Variants in STK32A observed in about 807,000 individuals in gnomAD.
STK32A encodes the protein serine/threonine kinase 32A.
A neutral mutation model predicts 53.2 loss-of-function variants in STK32A; 41 were observed. That is an observed-to-expected ratio of 0.77 (90% CI 0.60 to 1.00). The LOEUF is 1.00. STK32A is among the 50% of genes least tolerant of loss of function. The pLI, the probability that STK32A is intolerant of heterozygous loss-of-function variation, is 0.00. For missense variants in STK32A, 458 were observed against 485.8 expected (o/e 0.94, Z 0.54); for synonymous variants, 166 against 162.8 (o/e 1.02, Z -0.15).
chr5:147,392,478 T>A (rs1291201879), downstream of STK32A: 2 of 152,228 alleles, frequency 1.3e-5, no homozygotes, highest in African/African-American at 4.8e-5. Flanking sequence ...AAGCACTTAG[T>A]ACACAGGGTT....
chr5:147,282,093 C>T (rs112413067), intron 4 of STK32A, among the ~76,000 whole-genome samples: 21,116 of 152,106 alleles, frequency 0.14, 1,697 homozygotes, highest in African/African-American at 0.2. Flanking sequence ...CTACAAGAAC[C>T]GCTAAAAGGA....
chr5:147,390,479 A>C (rs74718093), downstream of STK32A, among the ~76,000 whole-genome samples: 1 of 57,444 alleles, frequency 1.7e-5, no homozygotes, highest in Non-Finnish European at 2.7e-5. Flanking sequence ...GGGAAAGACC[A>C]AAAAAAAAAA....
At chr5:147,395,523 C>A in the STK32A span, 6 of 1,581,628 alleles carry the variant, frequency 3.8e-6, no homozygotes, top group South Asian at 6.9e-5. Context: ...TCCCCTTCCC[C>A]CTTCTCTTAT....
rs767714295 is a variant in STK32A, at chr5:147,252,006, C to T, written c.52+12320C>T. 1.4e-3 allele frequency among the ~76,000 whole-genome samples: 213 copies of T among 151,870 alleles called. 1 individual carries two copies. The highest frequency in any genetic ancestry group is 2.5e-3 in the Non-Finnish European group (172 of 67,996). ...TCGCTGGAGCCCAGGAGTTCACAACCAGCCTGGGCAACATGGTGAGACTCC... is the reference window on the plus strand; with the variant it reads ...TCGCTGGAGCCCAGGAGTTCACAACTAGCCTGGGCAACATGGTGAGACTCC... On this transcript the variant is annotated intron_variant, in intron 2 of 12. Coordinates refer to ENST00000397936, the MANE Select transcript of STK32A (RefSeq NM_001112724.2).
At chr5:147,266,804 C>A (rs1297219739) in intron 2 of STK32A, among the ~76,000 whole-genome samples, 4 of 152,050 alleles carry the variant, frequency 2.6e-5, no homozygotes, top group South Asian at 2.1e-4. Context: ...GTGGACGGAT[C>A]ACCTGAGGTC....
At chr5:147,310,977 G>A (rs1003951867) in intron 4 of STK32A, among the ~76,000 whole-genome samples, 1 of 152,094 alleles carries the variant, frequency 6.6e-6, no homozygotes, top group Non-Finnish European at 1.5e-5. Context: ...AAAGGTCAGG[G>A]CTTCAGAAAA....
chr5:147,281,008 C>A (rs1752040468), intron 4 of STK32A, among the ~76,000 whole-genome samples: 2 of 152,130 alleles, frequency 1.3e-5, no homozygotes, highest in South Asian at 4.1e-4. Flanking sequence ...GGTAGGCTAG[C>A]TGGGTGGCTA....
rs1581129257 is a variant in STK32A, at chr5:147,352,754, G to T, written c.562+1600G>T. On this transcript the variant is annotated intron_variant, in intron 7 of 12. Transcript: ENST00000397936. ...TCCTGGAGTTAACACAGCCTGGTTG[G>T]CCATGGAAGTTTGATGAGTTTGGGG... Among the ~76,000 whole-genome samples, 7 of 152,302 alleles carry T rather than the reference G, an allele frequency of 4.6e-5. 3 individuals carry two copies. Among genetic ancestry groups the T allele is most frequent in the Admixed American group, 4.6e-4 (7 of 15,300 alleles).
chr5:147,280,071 G>A (rs1006100677), intron 4 of STK32A, among the ~76,000 whole-genome samples: 1 of 152,170 alleles, frequency 6.6e-6, no homozygotes, highest in Non-Finnish European at 1.5e-5. Context: ...AGAGCCCAGT[G>A]AAATACACGG....
intron 7 of STK32A, among the ~76,000 whole-genome samples, chr5:147,360,223 G>A (rs1262682019): frequency 1.3e-5 from 2 of 151,988 alleles, no homozygotes; most frequent in Admixed American, 6.6e-5. Flanking sequence ...GCCAAAGCAG[G>A]TGGATCACCT....
the STK32A span, among the ~76,000 whole-genome samples, chr5:147,394,380 GGAA>G: frequency 3.6e-4 from 55 of 152,230 alleles, no homozygotes; most frequent in African/African-American, 9.4e-4. Context: ...AATAATACTG[GGAA>G]GAAGAACAAT....
intron 8 of STK32A, among the ~76,000 whole-genome samples, chr5:147,369,565 TGGA>T (rs941786454): frequency 1.3e-5 from 2 of 152,266 alleles, no homozygotes; most frequent in African/African-American, 2.4e-5. Flanking sequence ...AGAAATTGAG[TGGA>T]GAAGTTTAGC....
At position 147,384,512 on chromosome 5, in the gene STK32A, A is replaced by C. The variant is rs570455434; in HGVS notation, c.*529A>C. On this transcript the variant is annotated 3_prime_UTR_variant, in exon 13 of 13. Transcript: ENST00000397936. Reference sequence around the variant, plus strand: ...GGGAGGCATGAATGGAATCAGATTAAAAGTAACAGAGATGGATGAGGGCCT... The same window carrying C: ...GGGAGGCATGAATGGAATCAGATTACAAGTAACAGAGATGGATGAGGGCCT... The C allele has an allele frequency of 7.9e-7, 1 of 1,264,708 alleles. No individual in the cohort carries two copies. Among genetic ancestry groups the C allele is most frequent in the Non-Finnish European group, 1.1e-6 (1 of 906,202 alleles). 78.3% of individuals were successfully genotyped at this position (1,264,708 alleles called of 1,614,324 possible).
chr5:147,267,125 T>C (rs1246241405), intron 2 of STK32A, among the ~76,000 whole-genome samples: 1 of 152,128 alleles, frequency 6.6e-6, no homozygotes, highest in Non-Finnish European at 1.5e-5. Context: ...GTAATAATTA[T>C]ACATTATTGA....
chr5:147,243,172 A>G (rs966430758), intron 2 of STK32A, among the ~76,000 whole-genome samples: 2 of 60,296 alleles, frequency 3.3e-5, no homozygotes, highest in African/African-American at 6.0e-5. Flanking sequence ...AAACTGTTTA[A>G]TATTTCCAAT....
At chr5:147,381,201 C>G (rs1474516279) in intron 11 of STK32A, among the ~76,000 whole-genome samples, 1 of 152,068 alleles carries the variant, frequency 6.6e-6, no homozygotes, top group African/African-American at 2.4e-5. Context: ...AGGTTTTTTT[C>G]TTTTAGCACT....
intron 4 of STK32A, among the ~76,000 whole-genome samples, chr5:147,306,853 G>T (rs150995454): frequency 4.0e-4 from 61 of 152,226 alleles, no homozygotes; most frequent in African/African-American, 1.4e-3. Flanking sequence ...AGTAGGGAAA[G>T]TGTCTAGAAA....
chr5:147,322,707 G>A (rs1754377733), intron 4 of STK32A, among the ~76,000 whole-genome samples: 1 of 152,200 alleles, frequency 6.6e-6, no homozygotes, highest in South Asian at 2.1e-4. Context: ...AGAAATCATG[G>A]CTGTGCTTTG....
chr5:147,331,714 G>A (rs1277664270), intron 5 of STK32A, among the ~76,000 whole-genome samples: 1 of 152,158 alleles, frequency 6.6e-6, no homozygotes, highest in Non-Finnish European at 1.5e-5. Flanking sequence ...TATGACTGGT[G>A]TCCTTATGAA....
Sources: gnomAD v4.1 joint callset for allele counts (sites outside exome capture counted in the v4.1 genomes callset) on GRCh38, gnomAD v4.1.1 for gene constraint, MANE v1.5 for transcripts, NCBI Gene and HGNC (gene_info 2026-07-23, HGNC 2026-07-21) for gene names.